ANKRD30A: variants seen among roughly 807,000 people sequenced by gnomAD.
The protein encoded by ANKRD30A is ankyrin repeat domain 30A.
A neutral mutation model predicts 166.3 loss-of-function variants in ANKRD30A; 170 were observed. The ratio of observed to expected loss-of-function variants is 1.02; its 90% confidence interval spans 0.90 to 1.16. The LOEUF is 1.16. Among genes scored for constraint, ANKRD30A ranks in the 50% most tolerant of loss-of-function variants. The pLI is 0.00. For synonymous variants in ANKRD30A, 564 were observed against 508.9 expected (o/e 1.11, Z -1.46); for missense variants, 1,630 against 1,518.0 (o/e 1.07, Z -1.23).
At chr10:37,236,035 C>T (rs571173390), downstream of ANKRD30A, among the ~76,000 whole-genome samples, 174 of 152,012 alleles carry the variant, frequency 1.1e-3, 1 homozygote, top group Non-Finnish European at 1.7e-3. Flanking sequence ...CCCAAAGTGC[C>T]GGGATTACAG....
At chr10:37,193,815 G>T (rs1840809510) in intron 27 of ANKRD30A, among the ~76,000 whole-genome samples, 1 of 152,136 alleles carries the variant, frequency 6.6e-6, no homozygotes, top group Non-Finnish European at 1.5e-5. Flanking sequence ...TGGCCTTGGT[G>T]TCTTTTAATG....
chr10:37,190,286 G>A (rs1403849370), intron 25 of ANKRD30A, among the ~76,000 whole-genome samples: 1 of 151,850 alleles, frequency 6.6e-6, no homozygotes, highest in Non-Finnish European at 1.5e-5. Context: ...GCTGATGCTG[G>A]TGGTCCTTGG....
chr10:37,161,445 TTA>T (rs1491329596), intron 15 of ANKRD30A, among the ~76,000 whole-genome samples: 1 of 152,154 alleles, frequency 6.6e-6, no homozygotes, highest in Non-Finnish European at 1.5e-5. Context: ...AGGTTTTTTT[TTA>T]TTTTCTGTTT....
Position 37,219,414 on chromosome 10 carries a change from A to G in ANKRD30A, c.3702A>G (p.Lys1234=). Residue 1234 remains lysine, a synonymous_variant, in exon 34 of 36, where the codon AAA becomes AAG. Coordinates refer to ENST00000361713, the MANE Select transcript of ANKRD30A (RefSeq NM_052997.3). ...HIAGDACLQR[K]MNVDVSSTIY... ...CAGGAGATGCTTGTTTGCAAAGAAAAATGAATGTTGATGTGAGTAGTACGA... is the reference window on the plus strand; with the variant it reads ...CAGGAGATGCTTGTTTGCAAAGAAAGATGAATGTTGATGTGAGTAGTACGA... 1.2e-6 allele frequency: 2 copies of G among 1,610,500 alleles called. No individual in the cohort carries two copies. Among genetic ancestry groups the G allele is most frequent in the African/African-American group, 2.7e-5 (2 of 74,760 alleles).
rs768027960 is a variant in ANKRD30A at position 37,219,583 on chromosome 10, A to G, written c.3871A>G (p.Thr1291Ala). 1.2e-6 allele frequency: 2 copies of G among 1,610,342 alleles called. No homozygotes were observed. The highest frequency in any genetic ancestry group is 1.7e-6 in the Non-Finnish European group (2 of 1,177,656). ...ACATGCACAAAGAGACCAACGTGAA[A>G]CACAGTGTCAAATGAAGGAAGCTGA... The part of the protein sequence containing the change: ...SEHAQRDQRE[T>A]QCQMKEAEHM... Residue 1291 changes from threonine (T) to alanine (A), a missense_variant, in exon 34 of 36, where the codon ACA becomes GCA. Around this residue, in one of 4 missense-constraint regions of ANKRD30A, gnomAD observed 712 missense variants for 629.3 expected, o/e 1.13. Coordinates refer to ENST00000361713, the MANE Select transcript of ANKRD30A (RefSeq NM_052997.3).
chr10:37,178,236 T>A (rs1191051872), intron 24 of ANKRD30A, among the ~76,000 whole-genome samples: 6 of 151,270 alleles, frequency 4.0e-5, no homozygotes, highest in Non-Finnish European at 5.9e-5. Flanking sequence ...TTAATGTCTT[T>A]CTCACTGGTG....
intron 5 of ANKRD30A, 69 bp from the exon 6 acceptor site, chr10:37,136,538 A>G: frequency 1.4e-6 from 1 of 696,242 alleles, no homozygotes; most frequent in Non-Finnish European, 2.4e-6. Flanking sequence ...AACTTAATAA[A>G]TTTGGTAAAT....
At chr10:37,127,040 C>CT (rs1264348620) in intron 1 of ANKRD30A, among the ~76,000 whole-genome samples, 2 of 39,726 alleles carry the variant, frequency 5.0e-5, no homozygotes, top group African/African-American at 2.1e-4. Context: ...GAGTGAAACT[C>CT]TGTCTCAAAA....
Position 37,147,370 on chromosome 10 carries a change from A to G in ANKRD30A, c.1456A>G (p.Ser486Gly), listed in dbSNP as rs759460155. Residue 486 changes from serine (S) to glycine (G), a missense_variant and splice_region_variant, in exon 9 of 36, where the codon AGT (serine) becomes GGT (glycine). Transcript: ENST00000361713. ...TATCTATTGATACTACTTTTAACAG[A>G]GTCTCTTTGAGAGTTCTGCAAAGAT... Reference protein sequence around the residue: ...EDEEYSCDSRSLFESSAKIQV... With the variant: ...EDEEYSCDSRGLFESSAKIQV... The G allele has an allele frequency of 1.3e-5, 20 of 1,569,744 alleles. No individual in the cohort carries two copies. The highest frequency in any genetic ancestry group is 1.7e-5 in the Non-Finnish European group (20 of 1,156,298).
chr10:37,196,681 A>G (rs1278468782), intron 27 of ANKRD30A, among the ~76,000 whole-genome samples: 1 of 151,942 alleles, frequency 6.6e-6, no homozygotes, highest in Non-Finnish European at 1.5e-5. Flanking sequence ...GATGAGTTTT[A>G]CACATCTTCT....
chr10:37,196,337 G>C (rs568993498), intron 27 of ANKRD30A, among the ~76,000 whole-genome samples: 5 of 151,986 alleles, frequency 3.3e-5, no homozygotes, highest in African/African-American at 4.8e-5. Flanking sequence ...CTGTTACAAT[G>C]AGGCATGACA....
Position 37,125,764 on chromosome 10 carries a change from A to C in ANKRD30A, c.-24A>C, listed in dbSNP as rs1001499166. On this transcript the variant is annotated 5_prime_UTR_variant, in exon 1 of 36. Transcript: ENST00000361713. ...GGAAGGGCGATCGGGAGGCGCGGGC[A>C]CTCTCTAGCAGGTGGCCGCAGCCAT... 3.3e-6 allele frequency: 2 copies of C among 601,414 alleles called. No homozygotes were observed. The highest frequency in any genetic ancestry group is 6.0e-6 in the Non-Finnish European group (2 of 333,958). The allele number at this position is 601,414 out of a possible 1,614,324, so 37.3% of individuals were successfully genotyped here.
Position 37,132,307 on chromosome 10 carries a change from TA to T in ANKRD30A, c.584del (p.Asn195MetfsTer26). 2.5e-6 allele frequency: 4 copies of T among 1,605,544 alleles called. No individual in the cohort carries two copies. The South Asian group carries it at 3.4e-5, about 14-fold the overall frequency. ...RSEQIVEFLL[I>X]KNANANAVNK... is the part of the protein sequence containing the mutation. ...GAGCAAATTGTGGAATTTTTGCTGA[TA>T]AAAAATGCAAATGCGAATGCAGTTA... On this transcript the variant is annotated frameshift_variant, in exon 4 of 36. Transcript: ENST00000361713. LOFTEE classifies it high-confidence loss of function.
chr10:37,261,015 T>C, the ANKRD30A span, among the ~76,000 whole-genome samples: 1 of 151,796 alleles, frequency 6.6e-6, no homozygotes. Context: ...TTTAACAAAC[T>C]TGCACTTTAC....
chr10:37,193,950 T>G, intron 27 of ANKRD30A, among the ~76,000 whole-genome samples: 1 of 152,064 alleles, frequency 6.6e-6, no homozygotes, highest in South Asian at 2.1e-4. Flanking sequence ...ATGATAGCAG[T>G]TTGGGAGAGA....
Position 37,219,862 on chromosome 10 carries a change from A to C in ANKRD30A, c.4150A>C (p.Ile1384Leu). 6.5e-7 allele frequency: 1 copy of C among 1,541,336 alleles called. No homozygotes were observed. The highest frequency in any genetic ancestry group is 8.7e-7 in the Non-Finnish European group (1 of 1,144,292). The change falls in exon 34 of 36, where the codon ATA becomes CTA. Residue 1384 changes from isoleucine to leucine, a missense_variant. Transcript: ENST00000361713. Reference protein sequence around the residue: ...FNYNNHLKNRIYQYEKEKAET... With the variant: ...FNYNNHLKNRLYQYEKEKAET... ...TTACAATAACCATTTAAAAAACCGT[A>C]TATATCAATATGAAAAAGAGAAAGC... is the stretch of plus-strand genomic sequence containing the variant.
intron 11 of ANKRD30A, 48 bp from the exon 12 acceptor site, chr10:37,152,012 T>G (rs770794534): frequency 1.3e-6 from 2 of 1,489,634 alleles, no homozygotes; most frequent in East Asian, 4.6e-5. Flanking sequence ...TTAAAATTTA[T>G]AGTAGAGAAA....
chr10:37,151,989 T>G, intron 11 of ANKRD30A, 71 bp from the exon 12 acceptor site: 1 of 1,354,704 alleles, frequency 7.4e-7, no homozygotes, highest in Non-Finnish European at 1.0e-6. Context: ...TGAAAGTAGA[T>G]TTGTATATGT....
chr10:37,154,384 G>C (rs1324203418), intron 13 of ANKRD30A, among the ~76,000 whole-genome samples: 4 of 152,218 alleles, frequency 2.6e-5, no homozygotes, highest in Non-Finnish European at 4.4e-5. Flanking sequence ...AGGTGATGCT[G>C]ATGCTGGTGG....
Sources: gnomAD v4.1 joint callset for allele counts (sites outside exome capture counted in the v4.1 genomes callset) on GRCh38, gnomAD v4.1.1 for gene constraint, gnomAD v4.1.1 regional missense constraint, MANE v1.5 for transcripts, NCBI Gene and HGNC (gene_info 2026-07-23, HGNC 2026-07-21) for gene names.